Variants in ADARB2 observed in about 807,000 individuals in gnomAD.
ADARB2 encodes the protein inactive double-stranded RNA-specific editase B2.
Under a neutral mutation model 62.2 loss-of-function variants are expected in ADARB2, and 25 were observed. The observed-to-expected ratio is 0.40, with a 90% CI of 0.29 to 0.56. The LOEUF is 0.56. Among genes scored for constraint, ADARB2 ranks in the 20% least tolerant of loss-of-function variants. The probability of loss-of-function intolerance (pLI) is 0.43; values close to 1 mark genes in which losing one functional copy is unlikely to be tolerated. For missense variants in ADARB2, 1,071 were observed against 1,077.4 expected, an observed-to-expected ratio of 0.99 and a Z score of 0.08; for synonymous variants, 572 against 500.8, an observed-to-expected ratio of 1.14 and a Z score of -1.90.
chr10:1,572,437 C>T (rs1161631618), intron 1 of ADARB2, among the ~76,000 whole-genome samples: 1 of 152,160 alleles, frequency 6.6e-6, no homozygotes, highest in East Asian at 1.9e-4. Context: ...CTGCAGGAGG[C>T]TCTTCAGGAA....
intron 3 of ADARB2, among the ~76,000 whole-genome samples, chr10:1,338,820 C>T (rs563948337): frequency 6.6e-6 from 1 of 152,218 alleles, no homozygotes; most frequent in African/African-American, 2.4e-5. Flanking sequence ...GTTCTGGAAA[C>T]AGGGCGGTGG....
In ADARB2 at chr10:1,589,346, A is replaced by G. The variant is rs147563497; in HGVS notation, c.100+147705T>C. Among the ~76,000 whole-genome samples, 283 of 150,620 alleles carry G rather than the reference A, an allele frequency of 1.9e-3. 3 individuals carry two copies. The highest frequency in any genetic ancestry group is 3.2e-3 in the Non-Finnish European group (217 of 67,458). On this transcript the variant is annotated intron_variant, in intron 1 of 9. Transcript: ENST00000381312. ...ATCCATGGTCGGGGCATCCACGATCAGGGCATCCATGGTAGGGTGTCCACT... is the reference window on the plus strand; with the variant it reads ...ATCCATGGTCGGGGCATCCACGATCGGGGCATCCATGGTAGGGTGTCCACT...
intron 1 of ADARB2, among the ~76,000 whole-genome samples, chr10:1,388,680 C>T (rs573920957): frequency 1.3e-5 from 2 of 152,212 alleles, no homozygotes; most frequent in South Asian, 4.1e-4. Context: ...CAAACCTCTA[C>T]ACTCACATTT....
rs191192827 is a variant in ADARB2, at chr10:1,675,649, C to T, written c.100+61402G>A. On this transcript the variant is annotated intron_variant, in intron 1 of 9. Coordinates refer to ENST00000381312, the MANE Select transcript of ADARB2 (RefSeq NM_018702.4). ...TTCTGGAGGTTTGGGTTCAGGGATG[C>T]GTGAATGTTCTGGAGGTTTGGGTTT... Among the ~76,000 whole-genome samples the T allele has an allele frequency of 6.6e-5, 10 of 151,396 alleles. No homozygotes were observed. The East Asian group carries it at 1.4e-3, about 21-fold the overall frequency.
intron 1 of ADARB2, among the ~76,000 whole-genome samples, chr10:1,405,878 C>T (rs1020276019): frequency 4.0e-5 from 6 of 151,834 alleles, no homozygotes; most frequent in South Asian, 4.2e-4. Flanking sequence ...TGAAACCCTT[C>T]GCCATGATGC....
Position 1,351,529 on chromosome 10 carries a change from CTTCCCTGACTA to C in ADARB2, c.1077+11488_1077+11498del, listed in dbSNP as rs1203348272. 2.6e-5 allele frequency among the ~76,000 whole-genome samples: 4 copies of C among 152,282 alleles called. No individual in the cohort carries two copies. In the South Asian group the frequency reaches 6.2e-4, roughly 24 times the overall value. ...AGGCCGAGACACTTTAAATTATCTGCTTCCCTGACTATTCCCTGACTATTCATTGCCGCCTT... is the reference window on the plus strand; with the variant it reads ...AGGCCGAGACACTTTAAATTATCTGCTTCCCTGACTATTCATTGCCGCCTT... On this transcript the variant is annotated intron_variant, in intron 3 of 9. Transcript: ENST00000381312.
At chr10:1,564,504 C>A (rs1276483938) in intron 1 of ADARB2, among the ~76,000 whole-genome samples, 10 of 151,418 alleles carry the variant, frequency 6.6e-5, no homozygotes, top group African/African-American at 2.4e-4. Flanking sequence ...TTTTTGCAAC[C>A]TACTCATCTG....
intron 1 of ADARB2, among the ~76,000 whole-genome samples, chr10:1,483,279 C>T (rs938685211): frequency 6.6e-6 from 1 of 152,198 alleles, no homozygotes; most frequent in African/African-American, 2.4e-5. Flanking sequence ...GTTTCTGTTT[C>T]AAACAAAGTA....
At chr10:1,736,816 C>A (rs1213496334) in intron 1 of ADARB2, among the ~76,000 whole-genome samples, 1 of 152,208 alleles carries the variant, frequency 6.6e-6, no homozygotes, top group African/African-American at 2.4e-5. Flanking sequence ...CCACTTCGTC[C>A]GGGTCCCTCA....
intron 1 of ADARB2, among the ~76,000 whole-genome samples, chr10:1,626,918 C>G (rs1833777491): frequency 6.6e-6 from 1 of 152,200 alleles, no homozygotes; most frequent in South Asian, 2.1e-4. Flanking sequence ...TGCCTTCCCT[C>G]ATCAGCACCC....
At chr10:1,268,994 A>G (rs1024029267) in intron 4 of ADARB2, among the ~76,000 whole-genome samples, 8 of 152,326 alleles carry the variant, frequency 5.3e-5, no homozygotes, top group African/African-American at 1.9e-4. Context: ...ATTGAGTTCC[A>G]GCGCTGAGAA....
At chr10:1,710,463 A>C (rs777897685) in intron 1 of ADARB2, among the ~76,000 whole-genome samples, 4 of 152,250 alleles carry the variant, frequency 2.6e-5, no homozygotes, top group Non-Finnish European at 4.4e-5. Context: ...CCACTGGGAC[A>C]CATGCACCCA....
chr10:1,192,254 G>A (rs886649276), intron 8 of ADARB2, among the ~76,000 whole-genome samples: 19 of 152,190 alleles, frequency 1.2e-4, no homozygotes, highest in Admixed American at 1.0e-3. Context: ...GGGTAGCACT[G>A]CATTTAATTT....
intron 3 of ADARB2, among the ~76,000 whole-genome samples, chr10:1,301,783 T>A (rs1831575617): frequency 6.6e-6 from 1 of 152,224 alleles, no homozygotes; most frequent in South Asian, 2.1e-4. Context: ...ACAAATAGAC[T>A]ATATTTTAAA....
chr10:1,510,195 T>G (rs955314433), intron 1 of ADARB2, among the ~76,000 whole-genome samples: 12 of 151,384 alleles, frequency 7.9e-5, no homozygotes, highest in African/African-American at 2.9e-4. Flanking sequence ...TTTCTTTCTT[T>G]CTTTCAACAA....
At chr10:1,229,853 T>G (rs1830787137) in intron 6 of ADARB2, among the ~76,000 whole-genome samples, 1 of 118,494 alleles carries the variant, frequency 8.4e-6, no homozygotes, top group South Asian at 2.7e-4. Flanking sequence ...TACGTGTGTG[T>G]GTGTGTGTGT....
intron 1 of ADARB2, among the ~76,000 whole-genome samples, chr10:1,502,216 C>A (rs572856532): frequency 6.6e-6 from 1 of 152,390 alleles, no homozygotes; most frequent in South Asian, 2.1e-4. Context: ...CCTCCTGCAC[C>A]TGCTGCCCCC....
At chr10:1,407,107 G>A (rs1663794997) in intron 1 of ADARB2, among the ~76,000 whole-genome samples, 1 of 152,222 alleles carries the variant, frequency 6.6e-6, no homozygotes, top group African/African-American at 2.4e-5. Context: ...ATTTTATGCA[G>A]GTGCTTACAA....
In ADARB2 at chr10:1,200,258, C is replaced by G. The variant is rs568306796; in HGVS notation, c.1683-111G>C. ...AGGACCTGTCAGTCTTCCCATCGTG[C>G]GGACCTTGGGGAGCTCCCTGGGAGT... is the stretch of plus-strand genomic sequence containing the variant. On this transcript the variant is annotated intron_variant, in intron 7 of 9. Transcript: ENST00000381312. 30 of 1,444,376 alleles carry G rather than the reference C, an allele frequency of 2.1e-5. No homozygotes were observed. In the Admixed American group the frequency reaches 5.7e-4, roughly 27 times the overall value. The allele number at this position is 1,444,376 out of a possible 1,614,324, so 89.5% of individuals were successfully genotyped here.
Sources: allele counts gnomAD v4.1 joint callset (sites outside exome capture counted in the v4.1 genomes callset), GRCh38; gene constraint gnomAD v4.1.1; transcripts MANE v1.5; gene names NCBI Gene and HGNC (gene_info 2026-07-23, HGNC 2026-07-21).